SPRY3: variants seen among roughly 807,000 people sequenced by gnomAD.
SPRY3 encodes protein sprouty homolog 3.
SPRY3 carries 15 observed loss-of-function variants against 20.2 expected under a neutral mutation model. That is an observed-to-expected ratio of 0.74 (90% CI 0.50 to 1.14). SPRY3 has a LOEUF of 1.14. Among genes scored for constraint, SPRY3 ranks in the 50% most tolerant of loss-of-function variants. The probability of loss-of-function intolerance (pLI) is 0.00; values close to 1 mark genes in which losing one functional copy is unlikely to be tolerated. For synonymous variants in SPRY3, 143 were observed against 136.5 expected, an observed-to-expected ratio of 1.05 and a Z score of -0.33; for missense variants, 364 against 363.9, an observed-to-expected ratio of 1.00 and a Z score of 0.00.
chrX:155,709,321 C>G (rs1009248681), intron 2 of SPRY3, among the ~76,000 whole-genome samples: 13 of 151,636 alleles, frequency 8.6e-5, no homozygotes, highest in African/African-American at 3.1e-4. Flanking sequence ...TCCACACCCT[C>G]ACTAGCATCT....
intron 3 of SPRY3, among the ~76,000 whole-genome samples, chrX:155,772,048 G>A (rs1267230401): frequency 6.6e-6 from 1 of 152,076 alleles, no homozygotes; most frequent in African/African-American, 2.4e-5. Flanking sequence ...TTTGACAAAA[G>A]TGACATAAAT....
At chrX:155,675,536 G>T (rs781962878) in intron 2 of SPRY3, among the ~76,000 whole-genome samples, 3 of 111,270 alleles carry the variant, frequency 2.7e-5, no homozygotes, top group Non-Finnish European at 3.8e-5. Context: ...TCAGTGTCAG[G>T]AGACATGATG....
chrX:155,759,043 C>G (rs1356507414), intron 2 of SPRY3, among the ~76,000 whole-genome samples: 2 of 151,486 alleles, frequency 1.3e-5, no homozygotes, highest in Non-Finnish European at 2.9e-5. Flanking sequence ...CATGCCGTTT[C>G]TCTGCTCTCA....
At chrX:155,620,206 G>T (rs1466653956) in intron 1 of SPRY3, among the ~76,000 whole-genome samples, 3 of 111,203 alleles carry the variant, frequency 2.7e-5, no homozygotes, top group Non-Finnish European at 5.7e-5. Context: ...ACACACTTTA[G>T]CAGATTCTTA....
At chrX:155,625,607 C>A (rs2067885601) in intron 1 of SPRY3, among the ~76,000 whole-genome samples, 1 of 110,843 alleles carries the variant, frequency 9.0e-6, no homozygotes, top group South Asian at 3.7e-4. Flanking sequence ...TGTTTTTAAA[C>A]AACTTTGTTG....
intron 2 of SPRY3, among the ~76,000 whole-genome samples, chrX:155,721,679 AC>A (rs1458014913): frequency 6.6e-6 from 1 of 151,854 alleles, no homozygotes; most frequent in Non-Finnish European, 1.5e-5. Flanking sequence ...AAAAAAAAAA[AC>A]TTTATCCTAG....
At chrX:155,774,802 C>T in exon 4 of SPRY3, 1 of 1,528,106 alleles carries the variant, frequency 6.5e-7, no homozygotes, top group African/African-American at 1.4e-5. Context: ...GCATAGGCCT[C>T]ATCTTTGGAG....
At position 155,666,540 on chromosome X, in the gene SPRY3, G is replaced by A. The variant is rs148122454; in HGVS notation, c.-282+9515G>A. On this transcript the variant is annotated intron_variant, in intron 2 of 3. Transcript: ENST00000675360. ...TTGATAACAATGGGGAAGCAGAAGC[G>A]TAAACAGATTTTTGGCAAGGAGTGA... Among the ~76,000 whole-genome samples the A allele has an allele frequency of 7.0e-3, 781 of 111,206 alleles. 5 individuals carry two copies. The highest frequency in any genetic ancestry group is 0.028 in the Middle Eastern group (6 of 216).
downstream of SPRY3, chrX:155,776,882 T>TA (rs2091430431): frequency 1.2e-5 from 2 of 167,112 alleles, no homozygotes; most frequent in African/African-American, 4.8e-5. Flanking sequence ...CACCTTCACT[T>TA]ACACCTCCTC....
At chrX:155,775,387 T>TA (rs1286889381) in exon 4 of SPRY3, 1 of 167,816 alleles carries the variant, frequency 6.0e-6, no homozygotes, top group African/African-American at 2.4e-5. Context: ...ATTTGATCTA[T>TA]ATTTGTCTCT....
At chrX:155,712,048 C>T (rs1170407273) in intron 2 of SPRY3, among the ~76,000 whole-genome samples, 1 of 151,098 alleles carries the variant, frequency 6.6e-6, no homozygotes, top group Non-Finnish European at 1.5e-5. Flanking sequence ...AGTTTTATTC[C>T]ATTGTGATGC....
chrX:155,775,389 T>C (rs1347031449), exon 4 of SPRY3: 3 of 167,778 alleles, frequency 1.8e-5, no homozygotes, highest in African/African-American at 7.2e-5. Context: ...TTGATCTATA[T>C]TTGTCTCTCT....
rs145644437 is a variant in SPRY3 at position 155,678,465 on chromosome X, G to T, written c.-282+21440G>T. On this transcript the variant is annotated intron_variant, in intron 2 of 3. Coordinates refer to ENST00000675360, the Ensembl canonical transcript of SPRY3. ...TGTTAATATATAAAGTATCTAATTCGAATGTCCTTTCTTTTCTGGCTGGAG... is the reference window on the plus strand; with the variant it reads ...TGTTAATATATAAAGTATCTAATTCTAATGTCCTTTCTTTTCTGGCTGGAG... Among the ~76,000 whole-genome samples, 23 of 111,575 alleles carry T rather than the reference G, an allele frequency of 2.1e-4. No homozygotes were observed. The East Asian group carries it at 6.5e-3, about 32-fold the overall frequency.
chrX:155,763,600 C>G (rs1170024145), intron 2 of SPRY3, among the ~76,000 whole-genome samples: 3 of 151,994 alleles, frequency 2.0e-5, no homozygotes. Flanking sequence ...CTATATATTC[C>G]AATCCTCTCT....
At chrX:155,745,477 G>A (rs915121742) in intron 2 of SPRY3, among the ~76,000 whole-genome samples, 1 of 152,034 alleles carries the variant, frequency 6.6e-6, no homozygotes, top group African/African-American at 2.4e-5. Flanking sequence ...TTGTGTTGAG[G>A]GAAGTCACCT....
chrX:155,620,191 G>A (rs1472050161), intron 1 of SPRY3, among the ~76,000 whole-genome samples: 1 of 109,956 alleles, frequency 9.1e-6, no homozygotes, highest in Non-Finnish European at 1.9e-5. Flanking sequence ...AAGATTCTTA[G>A]TTAAACACAC....
exon 4 of SPRY3, chrX:155,775,053 T>G (rs2091415280): frequency 2.2e-6 from 1 of 447,580 alleles, no homozygotes; most frequent in South Asian, 5.3e-5. Context: ...ACGTGGAGGT[T>G]TAGGGGCTCC....
chrX:155,780,995 A>C (rs1299970041), downstream of SPRY3: 3 of 163,640 alleles, frequency 1.8e-5, no homozygotes, highest in East Asian at 6.0e-4. Context: ...TCCTTGACTT[A>C]TATCAACACT....
At chrX:155,740,837 C>G (rs1489031902) in intron 2 of SPRY3, among the ~76,000 whole-genome samples, 3 of 144,786 alleles carry the variant, frequency 2.1e-5, no homozygotes, top group Admixed American at 6.8e-5. Flanking sequence ...ACACCCCCTC[C>G]CCTTTTGAAA....
Sources: gnomAD v4.1 joint callset for allele counts (sites outside exome capture counted in the v4.1 genomes callset) on GRCh38, gnomAD v4.1.1 for gene constraint, MANE v1.5 for transcripts, NCBI Gene and HGNC (gene_info 2026-07-23, HGNC 2026-07-21) for gene names.